The following SYCE1 variants were observed in gnomAD, a reference collection of about 807,000 sequenced individuals.
SYCE1 encodes cancer/testis antigen 76.
Under a neutral mutation model 55.1 loss-of-function variants are expected in SYCE1, and 37 were observed. That is an observed-to-expected ratio of 0.67 (90% CI 0.52 to 0.88). SYCE1 has a LOEUF of 0.88. SYCE1 is among the 40% of genes least tolerant of loss of function. The probability of loss-of-function intolerance (pLI) is 0.00; values close to 1 mark genes in which losing one functional copy is unlikely to be tolerated. For synonymous variants in SYCE1, 163 were observed against 159.4 expected (o/e 1.02, Z -0.17); for missense variants, 399 against 416.4 (o/e 0.96, Z 0.36).
upstream of SYCE1, among the ~76,000 whole-genome samples, chr10:133,566,088 A>C (rs1483275850): frequency 6.6e-6 from 1 of 152,138 alleles, no homozygotes; most frequent in Admixed American, 6.5e-5. Flanking sequence ...CGTTCCCGTG[A>C]GCTCCATGCC....
chr10:133,566,934 C>T (rs1473917030), upstream of SYCE1, among the ~76,000 whole-genome samples: 1 of 146,494 alleles, frequency 6.8e-6, no homozygotes, highest in African/African-American at 2.5e-5. Flanking sequence ...TTAGGGTTAG[C>T]TTCAGGGTTC....
In SYCE1 at chr10:133,555,638, C is replaced by T. The variant is rs1008899131; in HGVS notation, c.789G>A (p.Gln263=). The T allele has an allele frequency of 1.9e-6, 3 of 1,605,788 alleles. No homozygotes were observed. Among genetic ancestry groups the T allele is most frequent in the East Asian group, 2.2e-5 (1 of 44,866 alleles). The stretch of plus-strand genomic sequence containing the variant: ...GCTGTTGTTGGCACTTCTGCTGCAG[C>T]TGCTGGTGGCGCTGGGCAGCAGCTG... ...LLAAAAQRHQ[Q]LQQKCQQQQQ... The change falls in exon 11 of 13, where the codon CAG becomes CAA. Residue 263 remains glutamine (Q), a synonymous_variant. Transcript: ENST00000343131.
chr10:133,560,322 C>T, intron 1 of SYCE1, 169 bp from the exon 2 acceptor site: 1 of 561,308 alleles, frequency 1.8e-6, no homozygotes. Context: ...GTCAGCTTTT[C>T]CCTATAAGGT....
chr10:133,557,325 A>G (rs1346911104), intron 6 of SYCE1, 169 bp from the exon 7 acceptor site: 1 of 643,024 alleles, frequency 1.6e-6, no homozygotes, highest in East Asian at 2.6e-5. Context: ...CCCTGGAAGT[A>G]TTGTTGTCAG....
At chr10:133,568,171 GC>G (rs748485906), upstream of SYCE1, 92 of 969,800 alleles carry the variant, frequency 9.5e-5, 1 homozygote, top group South Asian at 1.2e-3. Flanking sequence ...TGGGTCCAGC[GC>G]CCGAAGTCCA....
At chr10:133,554,296 C>G (rs1851595585), downstream of SYCE1, 1 of 1,614,052 alleles carries the variant, frequency 6.2e-7, no homozygotes, top group Non-Finnish European at 8.5e-7. Flanking sequence ...CTCTTCAACT[C>G]CACCATGTCA....
intron 6 of SYCE1, 106 bp from the exon 7 acceptor site, chr10:133,557,262 T>A: frequency 2.3e-6 from 2 of 875,864 alleles, no homozygotes; most frequent in Non-Finnish European, 1.9e-6. Flanking sequence ...CCCTCTACAT[T>A]AAGGTCCTTC....
At position 133,559,828 on chromosome 10, in the gene SYCE1, A is replaced by T. The variant is rs985118633; in HGVS notation, c.136+263T>A. ...AGTGAAGGCGGCAACTTCTGGATCT[A>T]ATGGACTGCAGTGGAGCCAGATGGG... On this transcript the variant is annotated intron_variant, in intron 2 of 12. Transcript: ENST00000343131. 3 of 495,460 alleles carry T rather than the reference A, an allele frequency of 6.1e-6. No individual in the cohort carries two copies. In the East Asian group the frequency reaches 1.2e-4, roughly 19 times the overall value. The allele number at this position is 495,460 out of a possible 1,614,324, so 30.7% of individuals were successfully genotyped here.
At chr10:133,554,314 A>G (rs1851597357), downstream of SYCE1, 3 of 1,614,090 alleles carry the variant, frequency 1.9e-6, no homozygotes, top group Non-Finnish European at 2.5e-6. Flanking sequence ...TCACTGGTCT[A>G]CCTGGTCTGG....
In SYCE1 at chr10:133,565,555, G is replaced by T. The variant is rs563107003; in HGVS notation, c.-26C>A. ...TTCCTCTCAGCTCGCCAGCGAGGGT[G>T]CCTCGGGAGGGAGCCTCCAGTGGTG... On this transcript the variant is annotated 5_prime_UTR_variant, in exon 1 of 13. Transcript: ENST00000343131. 36 of 1,546,356 alleles carry T rather than the reference G, an allele frequency of 2.3e-5. No individual in the cohort carries two copies. The African/African-American group carries it at 3.0e-4, about 13-fold the overall frequency.
At position 133,556,065 on chromosome 10, in the gene SYCE1, G is replaced by T; in HGVS notation, c.529-18C>A. 1 of 1,612,098 alleles carries T rather than the reference G, an allele frequency of 6.2e-7. No individual in the cohort carries two copies. The stretch of plus-strand genomic sequence containing the variant: ...TCTGGCATCTGAGGGGCAGAAAAGA[G>T]GCCTGTCCACTCCTCTTGGCTTTCC... On this transcript the variant is annotated intron_variant, in intron 8 of 12. Transcript: ENST00000343131.
intron 4 of SYCE1, 133 bp from the exon 5 acceptor site, chr10:133,558,347 C>T: frequency 3.2e-6 from 3 of 938,596 alleles, no homozygotes; most frequent in Non-Finnish European, 5.1e-6. Context: ...GAGGTGAGCC[C>T]CTCCCTACCC....
rs59050384 is a variant in SYCE1 at position 133,562,261 on chromosome 10, A to ATGTG, written c.74-2112_74-2109dup. Among the ~76,000 whole-genome samples the ATGTG allele has an allele frequency of 5.2e-4, 74 of 143,082 alleles. 1 individual carries two copies. Among genetic ancestry groups the ATGTG allele is most frequent in the African/African-American group, 1.8e-3 (70 of 38,338 alleles). The allele number at this position is 143,082 out of a possible 152,430, so 93.9% of individuals were successfully genotyped here. On this transcript the variant is annotated intron_variant, in intron 1 of 12. Coordinates refer to ENST00000343131, the MANE Select transcript of SYCE1 (RefSeq NM_001143764.3). ...CATCTTAATTAAAAGCTAACATCCA[A>ATGTG]TGTGTGTGTGTGTGTGTGTGTGTGT...
At chr10:133,556,104 GA>G in intron 8 of SYCE1, 57 bp from the exon 9 acceptor site, 1 of 1,591,644 alleles carries the variant, frequency 6.3e-7, no homozygotes, top group South Asian at 1.1e-5. Flanking sequence ...ATGCCTCAAA[GA>G]AGGCTATCTG....
downstream of SYCE1, chr10:133,554,645 T>G (rs1294193763): frequency 5.6e-6 from 4 of 718,632 alleles, no homozygotes; most frequent in Non-Finnish European, 1.0e-5. Flanking sequence ...ATTTTTAATT[T>G]TTTTTTTAAT....
intron 1 of SYCE1, among the ~76,000 whole-genome samples, chr10:133,562,029 T>C (rs953451212): frequency 6.6e-6 from 1 of 152,144 alleles, no homozygotes; most frequent in Non-Finnish European, 1.5e-5. Flanking sequence ...CAGGCCAAAC[T>C]GAAAGAGAAA....
chr10:133,567,546 G>C (rs1245417800), upstream of SYCE1, among the ~76,000 whole-genome samples: 1 of 151,992 alleles, frequency 6.6e-6, no homozygotes, highest in Non-Finnish European at 1.5e-5. Flanking sequence ...TTCTGGGCAG[G>C]TGGTTAGCAC....
At chr10:133,568,210 G>T, upstream of SYCE1, 1 of 1,177,598 alleles carries the variant, frequency 8.5e-7, no homozygotes. Flanking sequence ...TGCCGAGCCG[G>T]TCCTGTTGCC....
At chr10:133,558,510 T>A in intron 4 of SYCE1, 2 of 544,274 alleles carry the variant, frequency 3.7e-6, no homozygotes, top group South Asian at 4.6e-5. Context: ...AAGAAACACA[T>A]CAAATAGGAT....
Sources: gnomAD v4.1 joint callset for allele counts (sites outside exome capture counted in the v4.1 genomes callset) on GRCh38, gnomAD v4.1.1 for gene constraint, MANE v1.5 for transcripts, NCBI Gene and HGNC (gene_info 2026-07-23, HGNC 2026-07-21) for gene names.